Variants in DNAH17 observed in about 807,000 individuals in gnomAD.
DNAH17 encodes dynein axonemal heavy chain 17.
Under a neutral mutation model 485.6 loss-of-function variants are expected in DNAH17, and 376 were observed. The ratio of observed to expected loss-of-function variants is 0.77; its 90% CI spans 0.71 to 0.84. The LOEUF (loss-of-function observed/expected upper bound fraction) is 0.84. Among genes scored for constraint, DNAH17 ranks in the 40% least tolerant of loss-of-function variants. DNAH17 has a pLI of 0.00. For synonymous variants in DNAH17, 3,031 were observed against 2,405.9 expected, an observed-to-expected ratio of 1.26 and a Z score of -7.60; for missense variants, 6,370 against 5,839.3, an observed-to-expected ratio of 1.09 and a Z score of -2.96.
intron 7 of DNAH17, 121 bp from the exon 8 acceptor site, chr17:78,569,648 C>T (rs1158515593): frequency 1.6e-6 from 2 of 1,262,764 alleles, no homozygotes; most frequent in South Asian, 1.6e-5. Flanking sequence ...AATAACCCCT[C>T]CTATCTGCCC....
chr17:78,486,340 G>GTAGGTA lies in DNAH17; in HGVS notation c.6984_6985insTACCTA (p.Tyr2327_Leu2328dup), dbSNP rs1285004452. 1 of 1,613,876 alleles carries GTAGGTA rather than the reference G, an allele frequency of 6.2e-7. No homozygotes were observed. The highest frequency in any genetic ancestry group is 1.1e-5 in the South Asian group (1 of 91,082). On this transcript the variant is annotated inframe_insertion, in exon 45 of 81. Transcript: ENST00000389840. ...GTCTTCTCCGTGAGCAGGCACTCCA[G>GTAGGTA]CAGGTACAGAATCGTTTGGATCACC...
Position 78,569,241 on chromosome 17 carries a change from G to A in DNAH17, c.1209C>T (p.Pro403=), listed in dbSNP as rs769572675. 2.3e-5 allele frequency: 37 copies of A among 1,606,532 alleles called. No homozygotes were observed. Among genetic ancestry groups the A allele is most frequent in the African/African-American group, 2.7e-5 (2 of 74,802 alleles). ...GAGAAGAAGGGAATTCCCAAGGCAC[G>A]GGCTCTTTGTCCTTAGAGGAGAGAA... ...NMKLFFKDKE[P]VPWEFPSSLA... Residue 403 remains proline (P), a synonymous_variant, in exon 9 of 81, where the codon CCC becomes CCT. Transcript: ENST00000389840.
In DNAH17 at chr17:78,434,222, T is replaced by G. The variant is rs1194987103; in HGVS notation, c.12034-2A>C. 6.2e-6 allele frequency: 10 copies of G among 1,601,542 alleles called. No homozygotes were observed. The highest frequency in any genetic ancestry group is 8.5e-6 in the Non-Finnish European group (10 of 1,170,536). ...CTTGGTGCACATCTCCAGGGTGTCC[T>G]GTGGGGCACACGCTCCGGTCAGGTA... is the stretch of plus-strand genomic sequence containing the variant. On this transcript the variant is annotated splice_acceptor_variant, in intron 74 of 80. Coordinates refer to ENST00000389840, the MANE Select transcript of DNAH17 (RefSeq NM_173628.4). LOFTEE classifies it high-confidence loss of function.
chr17:78,574,719 C>A lies in DNAH17; in HGVS notation c.339G>T (p.Val113=). The A allele has an allele frequency of 6.2e-7, 1 of 1,601,642 alleles. No homozygotes were observed. Among genetic ancestry groups the A allele is most frequent in the Non-Finnish European group, 8.5e-7 (1 of 1,171,986 alleles). ...GCAGCCTGGACGCACTCACCTCCTC[C>A]ACCACCGCGATCAGCTGGTCCACGG... The part of the protein sequence containing the change: ...PTPVDQLIAV[V]EEVLSSLLNQ... The change falls in exon 2 of 81, where the codon GTG becomes GTT. Residue 113 remains valine (V), a synonymous_variant. Transcript: ENST00000389840.
In DNAH17 at chr17:78,480,756, AT is replaced by A; in HGVS notation, c.7679del (p.Asp2560ValfsTer11). 6.2e-7 allele frequency: 1 copy of A among 1,613,770 alleles called. No homozygotes were observed. The highest frequency in any genetic ancestry group is 8.5e-7 in the Non-Finnish European group (1 of 1,179,814). On this transcript the variant is annotated frameshift_variant, in exon 49 of 81. Transcript: ENST00000389840. LOFTEE classifies it high-confidence loss of function. ...WYDRHKLTLK[D>X]IHNCQYVACM... ...AGGCCACGTACTGACAATTATGGAT[AT>A]CTTTTAACGTCAGCTTATGTCTGTC...
rs16971445 is a variant in DNAH17 at position 78,490,590 on chromosome 17, T to C, written c.6818+109A>G. On this transcript the variant is annotated intron_variant, in intron 44 of 80. Transcript: ENST00000389840. ...ACACTGGTGCCTGGTGAGGGCCTGATACACAGTTTGTGACATGAATGATGA... is the reference window on the plus strand; with the variant it reads ...ACACTGGTGCCTGGTGAGGGCCTGACACACAGTTTGTGACATGAATGATGA... 2.0e-3 allele frequency: 2,937 copies of C among 1,446,732 alleles called. 51 individuals are homozygous for C. The African/African-American group carries it at 0.038, about 19-fold the overall frequency. 89.6% of individuals were successfully genotyped at this position (1,446,732 alleles called of 1,614,324 possible).
intron 54 of DNAH17, 72 bp from the exon 55 acceptor site, chr17:78,468,955 A>C (rs2146567635): frequency 6.5e-7 from 1 of 1,528,046 alleles, no homozygotes; most frequent in Non-Finnish European, 8.8e-7. Flanking sequence ...TCCACAACCA[A>C]CCAGAGCACA....
In DNAH17 at chr17:78,565,875, G is replaced by T. The variant is rs191826634; in HGVS notation, c.1569+739C>A. On this transcript the variant is annotated intron_variant, in intron 11 of 80. Coordinates refer to ENST00000389840, the MANE Select transcript of DNAH17 (RefSeq NM_173628.4). ...TGAGGCAGGAGAATCGTTTGAACCC[G>T]GGAGGCGGAGGTTGCAGTGTGCTGG... Among the ~76,000 whole-genome samples the T allele has an allele frequency of 6.0e-4, 91 of 152,206 alleles. No homozygotes were observed. The South Asian group carries it at 0.016, about 27-fold the overall frequency.
rs2089998677 is a variant in DNAH17, at chr17:78,494,624, A to T, written c.6239T>A (p.Val2080Glu). ...LIGDLFPALD[V>E]PRKRDLNFEK... ...AAAATTCAGGTCCCGTTTCCGAGGC[A>T]CGTCCAGAGCCGGGAAGAGGTCCCC... The change falls in exon 40 of 81, where the codon GTG becomes GAG. Residue 2080 changes from valine (V) to glutamate (E), a missense_variant. Physicochemically the swap from Val to Glu is moderately radical, Grantham distance 121. Transcript: ENST00000389840. 1.2e-6 allele frequency: 2 copies of T among 1,613,782 alleles called. No individual in the cohort carries two copies. The highest frequency in any genetic ancestry group is 2.7e-5 in the African/African-American group (2 of 74,958).
At chr17:78,494,538 G>T in intron 40 of DNAH17, 55 bp downstream of exon 40, 1 of 1,567,062 alleles carries the variant, frequency 6.4e-7, no homozygotes, top group Non-Finnish European at 8.7e-7. Context: ...CAGTGGGAAG[G>T]AAGCCCCAGC....
At chr17:78,428,754 G>T (rs756713354) in intron 76 of DNAH17, 47 bp from the exon 77 acceptor site, 9 of 1,603,190 alleles carry the variant, frequency 5.6e-6, no homozygotes, top group Non-Finnish European at 7.7e-6. Context: ...TGTGCAGGCT[G>T]AAACCCATGT....
rs78514572 is a variant in DNAH17 at position 78,479,492 on chromosome 17, C to A, written c.7893G>T (p.Ala2631=). ...IQRISSQLVA[A]ALALHQKITA... ...TGAGGCCAGCCAGCTTACCCAGGGC[C>A]GCGGCCACCAGCTGGCTGCTTATCC... The change falls in exon 50 of 81, where the codon GCG becomes GCT. Residue 2631 remains alanine, a synonymous_variant. Coordinates refer to ENST00000389840, the MANE Select transcript of DNAH17 (RefSeq NM_173628.4). The A allele has an allele frequency of 0.026, 42,358 of 1,611,218 alleles. 616 individuals are homozygous for A. Among genetic ancestry groups the A allele is most frequent in the Middle Eastern group, 0.044 (269 of 6,054 alleles).
intron 19 of DNAH17, among the ~76,000 whole-genome samples, chr17:78,535,451 C>T (rs1027557830): frequency 4.6e-5 from 7 of 152,154 alleles, no homozygotes; most frequent in South Asian, 4.1e-4. Flanking sequence ...CCCTCGTGTC[C>T]TCATGTCACC....
rs1429340592 is a variant in DNAH17 at position 78,571,633 on chromosome 17, A to T, written c.689T>A (p.Phe230Tyr). 4 of 1,613,866 alleles carry T rather than the reference A, an allele frequency of 2.5e-6. No homozygotes were observed. Among genetic ancestry groups the T allele is most frequent in the African/African-American group, 1.3e-5 (1 of 74,926 alleles). The change falls in exon 4 of 81, where the codon TTC (phenylalanine) becomes TAC (tyrosine). Residue 230 changes from phenylalanine to tyrosine, a missense_variant. Physicochemically the swap from Phe to Tyr is conservative, Grantham distance 22. Transcript: ENST00000389840. ...LHPLPQVEFE[F>Y]WDTRLLNLKC... ...GAGGTTCAGCAGCCGAGTGTCCCAG[A>T]ACTCGAACTCCACTTGGGGCAGGGG... is the stretch of plus-strand genomic sequence containing the variant.
intron 26 of DNAH17, among the ~76,000 whole-genome samples, chr17:78,512,679 C>T (rs2090665784): frequency 6.6e-6 from 1 of 152,120 alleles, no homozygotes; most frequent in African/African-American, 2.4e-5. Context: ...CGGTGGCTCA[C>T]ACCTGTAATC....
At chr17:78,521,471 G>A (rs1280171574) in intron 25 of DNAH17, among the ~76,000 whole-genome samples, 1 of 152,076 alleles carries the variant, frequency 6.6e-6, no homozygotes, top group Non-Finnish European at 1.5e-5. Flanking sequence ...GGAGCAATTA[G>A]ACATCCATAA....
Position 78,495,929 on chromosome 17 carries a change from T to C in DNAH17, c.5849A>G (p.Asn1950Ser), listed in dbSNP as rs921236002. ...CTCCGCGCGTCCGGCGTACCCAGGGTTCATGGTGATGAAGATACCGACGGT... is the reference window on the plus strand; with the variant it reads ...CTCCGCGCGTCCGGCGTACCCAGGGCTCATGGTGATGAAGATACCGACGGT... ...IPTVGIFITM[N>S]PGYAGRAELP... is the part of the protein sequence containing the mutation. Residue 1950 changes from asparagine to serine, a missense_variant, in exon 38 of 81, where the codon AAC becomes AGC. Coordinates refer to ENST00000389840, the MANE Select transcript of DNAH17 (RefSeq NM_173628.4). 2 of 1,613,824 alleles carry C rather than the reference T, an allele frequency of 1.2e-6. No individual in the cohort carries two copies. The highest frequency in any genetic ancestry group is 1.3e-5 in the African/African-American group (1 of 74,900).
intron 31 of DNAH17, 157 bp from the exon 32 acceptor site, chr17:78,503,168 CCTTTTTTT>C: frequency 3.1e-6 from 1 of 325,600 alleles, no homozygotes; most frequent in Non-Finnish European, 5.1e-6. Context: ...CAGTGACACA[CCTTTTTTT>C]TTTTTTTTTT....
In DNAH17 at chr17:78,526,994, C is replaced by T. The variant is rs1224815435; in HGVS notation, c.3510G>A (p.Glu1170=). Residue 1170 remains glutamate, a splice_region_variant and synonymous_variant, in exon 23 of 81, where the codon GAG becomes GAA. Coordinates refer to ENST00000389840, the MANE Select transcript of DNAH17 (RefSeq NM_173628.4). The part of the protein sequence containing the change: ...MPEEIHLKLQ[E]LPEHWANTKK... ...TGGTATTTGCCCAGTGCTCCGGCAG[C>T]TCCTGCGGGAAGCAAAGGCAGAGGA... 3 of 1,570,762 alleles carry T rather than the reference C, an allele frequency of 1.9e-6. No individual in the cohort carries two copies. Among genetic ancestry groups the T allele is most frequent in the Non-Finnish European group, 2.6e-6 (3 of 1,158,068 alleles).
Sources: gnomAD v4.1 joint callset for allele counts (sites outside exome capture counted in the v4.1 genomes callset) on GRCh38, gnomAD v4.1.1 for gene constraint, MANE v1.5 for transcripts, NCBI Gene and HGNC (gene_info 2026-07-23, HGNC 2026-07-21) for gene names.